The following FGF10 variants were observed in gnomAD, a reference collection of about 807,000 sequenced individuals.
The protein encoded by FGF10 is FGF-10.
Under a neutral mutation model 19.8 loss-of-function variants are expected in FGF10, and 2 were observed. That is an observed-to-expected ratio of 0.10 (90% CI 0.04 to 0.32). The LOEUF (loss-of-function observed/expected upper bound fraction) is 0.32, where lower values mean the gene tolerates loss of function less well. Ranked by LOEUF, FGF10 falls within the 10% of genes least tolerant of loss-of-function variation. The probability of loss-of-function intolerance (pLI) is 1.00; values close to 1 mark genes in which losing one functional copy is unlikely to be tolerated. For synonymous variants in FGF10, 112 were observed against 94.0 expected (o/e 1.19, Z -1.10); for missense variants, 191 against 246.3 (o/e 0.78, Z 1.50).
intron 1 of FGF10, among the ~76,000 whole-genome samples, chr5:44,327,425 C>A (rs944847246): frequency 6.6e-6 from 1 of 152,132 alleles, no homozygotes; most frequent in African/African-American, 2.4e-5. Context: ...CTTTTCTTAC[C>A]CAAGTTTGCA....
At chr5:44,353,836 C>G (rs183652835) in intron 1 of FGF10, among the ~76,000 whole-genome samples, 2 of 151,512 alleles carry the variant, frequency 1.3e-5, no homozygotes, top group African/African-American at 2.4e-5. Flanking sequence ...TGCTAGAATA[C>G]AGCCAGACTT....
chr5:44,323,402 G>A (rs1262963364), intron 1 of FGF10, among the ~76,000 whole-genome samples: 1 of 152,106 alleles, frequency 6.6e-6, no homozygotes, highest in Admixed American at 6.6e-5. Context: ...ACAAATATTA[G>A]AACTCAGCAT....
At chr5:44,322,541 T>C (rs1375989001) in intron 1 of FGF10, among the ~76,000 whole-genome samples, 1 of 152,194 alleles carries the variant, frequency 6.6e-6, no homozygotes, top group Non-Finnish European at 1.5e-5. Context: ...GAATGGACTT[T>C]GTCCATGTTA....
chr5:44,330,783 G>A (rs1223862713), intron 1 of FGF10, among the ~76,000 whole-genome samples: 1 of 152,106 alleles, frequency 6.6e-6, no homozygotes, highest in East Asian at 1.9e-4. Context: ...GCAATATAAA[G>A]CCTCATCTGT....
At chr5:44,309,600 A>G (rs1333375837) in intron 2 of FGF10, among the ~76,000 whole-genome samples, 1 of 152,178 alleles carries the variant, frequency 6.6e-6, no homozygotes, top group Admixed American at 6.6e-5. Context: ...AGATGTTGAT[A>G]TGATTGATTG....
intron 1 of FGF10, among the ~76,000 whole-genome samples, chr5:44,365,981 T>C (rs895116008): frequency 1.6e-4 from 25 of 151,824 alleles, no homozygotes; most frequent in Non-Finnish European, 8.8e-5. Context: ...AGATAAATTA[T>C]TTCCTCCCCA....
intron 1 of FGF10, among the ~76,000 whole-genome samples, chr5:44,331,946 T>C (rs1328577017): frequency 3.3e-5 from 5 of 151,948 alleles, no homozygotes; most frequent in Non-Finnish European, 7.4e-5. Flanking sequence ...AGCTGTGTTC[T>C]GATGGCAGTG....
At chr5:44,326,272 G>A (rs1439539174) in intron 1 of FGF10, among the ~76,000 whole-genome samples, 1 of 152,118 alleles carries the variant, frequency 6.6e-6, no homozygotes, top group Non-Finnish European at 1.5e-5. Flanking sequence ...GAGGAGAAAT[G>A]TTTAGTGTGC....
intron 1 of FGF10, among the ~76,000 whole-genome samples, chr5:44,329,996 C>A (rs1324281328): frequency 6.6e-6 from 1 of 152,164 alleles, no homozygotes; most frequent in Admixed American, 6.6e-5. Flanking sequence ...GCAGTTTCCT[C>A]TTTTCATTCA....
chr5:44,315,323 T>A (rs1024061055), intron 1 of FGF10, among the ~76,000 whole-genome samples: 1 of 152,042 alleles, frequency 6.6e-6, no homozygotes, highest in African/African-American at 2.4e-5. Context: ...AGGGTTTTAA[T>A]AGGGGGGATT....
intron 1 of FGF10, among the ~76,000 whole-genome samples, chr5:44,360,707 GC>G (rs1741461424): frequency 6.6e-6 from 1 of 151,634 alleles, no homozygotes. Flanking sequence ...AAGCATGGGA[GC>G]TGAAATCTTA....
chr5:44,334,038 G>A (rs1279216757), intron 1 of FGF10, among the ~76,000 whole-genome samples: 2 of 151,988 alleles, frequency 1.3e-5, no homozygotes, highest in Non-Finnish European at 1.5e-5. Context: ...GTCACGTGGG[G>A]CAAAAGGTGA....
intron 1 of FGF10, among the ~76,000 whole-genome samples, chr5:44,327,508 C>A (rs1740641971): frequency 6.6e-6 from 1 of 152,142 alleles, no homozygotes; most frequent in African/African-American, 2.4e-5. Flanking sequence ...TCAGTCCACA[C>A]CCTGGATATT....
At chr5:44,330,476 G>C (rs1740706545) in intron 1 of FGF10, among the ~76,000 whole-genome samples, 1 of 152,116 alleles carries the variant, frequency 6.6e-6, no homozygotes, top group South Asian at 2.1e-4. Context: ...AAAACATTAA[G>C]ATATCACCAG....
chr5:44,376,941 C>T (rs543450399), intron 1 of FGF10, among the ~76,000 whole-genome samples: 3 of 151,964 alleles, frequency 2.0e-5, no homozygotes, highest in Non-Finnish European at 2.9e-5. Flanking sequence ...TAATATTTTG[C>T]CAGAAAGTTT....
intron 1 of FGF10, among the ~76,000 whole-genome samples, chr5:44,344,775 G>T (rs1019862303): frequency 6.6e-6 from 1 of 151,712 alleles, no homozygotes; most frequent in Non-Finnish European, 1.5e-5. Flanking sequence ...TGGGTCAGTG[G>T]TTTCTAGGGG....
At chr5:44,321,333 T>C (rs956770227) in intron 1 of FGF10, among the ~76,000 whole-genome samples, 2 of 152,216 alleles carry the variant, frequency 1.3e-5, no homozygotes, top group Admixed American at 6.5e-5. Flanking sequence ...GGTTGATGTG[T>C]CTATTGATGT....
At chr5:44,349,318 T>G (rs1235235825) in intron 1 of FGF10, among the ~76,000 whole-genome samples, 2 of 148,348 alleles carry the variant, frequency 1.3e-5, no homozygotes, top group African/African-American at 4.9e-5. Context: ...GGAAAGCAAT[T>G]TAGCTATCTT....
intron 1 of FGF10, among the ~76,000 whole-genome samples, chr5:44,329,262 T>C (rs1459287037): frequency 6.6e-6 from 1 of 152,138 alleles, no homozygotes; most frequent in African/African-American, 2.4e-5. Flanking sequence ...CTGCAACCTC[T>C]GCCTCCCGAG....
Sources: gnomAD v4.1 joint callset for allele counts (sites outside exome capture counted in the v4.1 genomes callset) on GRCh38, gnomAD v4.1.1 for gene constraint, MANE v1.5 for transcripts, NCBI Gene and HGNC (gene_info 2026-07-23, HGNC 2026-07-21) for gene names.